SLC38A11: variants seen among roughly 807,000 people sequenced by gnomAD.
The protein encoded by SLC38A11 is putative sodium-coupled neutral amino acid transporter 11.
In SLC38A11, 51 loss-of-function variants were observed where a neutral mutation model predicts 49.4. The ratio of observed to expected loss-of-function variants is 1.03; its 90% CI spans 0.83 to 1.30. The LOEUF is 1.30. Ranked by LOEUF, SLC38A11 falls within the 50% of genes most tolerant of loss-of-function variation. The pLI is 0.00. For synonymous variants in SLC38A11, 203 were observed against 192.9 expected (o/e 1.05, Z -0.43); for missense variants, 574 against 556.2 (o/e 1.03, Z -0.32).
chr2:164,939,405 G>A, intron 6 of SLC38A11, 45 bp downstream of exon 6: 1 of 1,314,680 alleles, frequency 7.6e-7, no homozygotes, highest in Non-Finnish European at 1.1e-6. Flanking sequence ...AGATTATGCA[G>A]GCAACAAGGT....
chr2:164,915,722 T>C, intron 8 of SLC38A11, 181 bp downstream of exon 8: 1 of 543,108 alleles, frequency 1.8e-6, no homozygotes, highest in South Asian at 3.8e-5. Context: ...AAGCAAATTT[T>C]AGTGATGAGT....
chr2:164,915,441 AC>A, intron 8 of SLC38A11, 168 bp from the exon 9 acceptor site: 1 of 605,132 alleles, frequency 1.7e-6, no homozygotes, highest in Non-Finnish European at 2.7e-6. Context: ...TAGAAATGAG[AC>A]CATTCATTCA....
intron 7 of SLC38A11, among the ~76,000 whole-genome samples, chr2:164,933,216 T>C (rs565805398): frequency 3.1e-4 from 47 of 151,684 alleles, no homozygotes; most frequent in African/African-American, 1.1e-3. Context: ...ATGTAAAGAA[T>C]TGAATATTAA....
chr2:164,950,415 G>T (rs182392337), intron 3 of SLC38A11, among the ~76,000 whole-genome samples: 80 of 152,282 alleles, frequency 5.3e-4, no homozygotes, highest in Non-Finnish European at 9.7e-4. Flanking sequence ...TAAAGGTAAA[G>T]ATGTGTTAAG....
intron 5 of SLC38A11, among the ~76,000 whole-genome samples, chr2:164,944,328 A>G (rs1184143828): frequency 1.3e-5 from 2 of 152,162 alleles, no homozygotes; most frequent in Non-Finnish European, 2.9e-5. Context: ...TTAAAATATA[A>G]AGTATTCTAA....
intron 5 of SLC38A11, among the ~76,000 whole-genome samples, chr2:164,941,272 C>A (rs1374201095): frequency 6.6e-6 from 1 of 151,972 alleles, no homozygotes; most frequent in Non-Finnish European, 1.5e-5. Flanking sequence ...ATTTTTTATA[C>A]CAACATTTCT....
Position 164,936,670 on chromosome 2 carries a change from CT to C in SLC38A11, c.617+679del, listed in dbSNP as rs1172061317. Among the ~76,000 whole-genome samples the C allele has an allele frequency of 8.9e-4, 136 of 152,190 alleles. 1 individual carries two copies. The highest frequency in any genetic ancestry group is 1.2e-3 in the East Asian group (6 of 5,178). ...TAACCTGGTTTCATTCTAGCATTTT[CT>C]TGGGACTGTGACTATAAACTGCCCA... On this transcript the variant is annotated intron_variant, in intron 7 of 11. Transcript: ENST00000685975.
chr2:164,921,243 A>C (rs538459011), intron 7 of SLC38A11, among the ~76,000 whole-genome samples: 4 of 152,294 alleles, frequency 2.6e-5, no homozygotes, highest in African/African-American at 9.6e-5. Context: ...GAAATAAAAA[A>C]GGTTTTGGTA....
chr2:164,942,842 A>T (rs979400950), intron 5 of SLC38A11, among the ~76,000 whole-genome samples: 2 of 152,122 alleles, frequency 1.3e-5, no homozygotes, highest in Non-Finnish European at 2.9e-5. Context: ...GCTTCACACA[A>T]CTATTCTATG....
chr2:164,905,207 T>C (rs965273140), intron 11 of SLC38A11, among the ~76,000 whole-genome samples: 4 of 152,180 alleles, frequency 2.6e-5, no homozygotes, highest in Non-Finnish European at 5.9e-5. Flanking sequence ...AACTTCCGCC[T>C]CCTGGGTTCA....
intron 8 of SLC38A11, 61 bp from the exon 9 acceptor site, chr2:164,915,334 T>G: frequency 6.8e-7 from 1 of 1,462,830 alleles, no homozygotes; most frequent in Non-Finnish European, 9.2e-7. Context: ...TTTTTAGTTC[T>G]GAAATTCAGA....
chr2:164,935,399 G>T (rs1687294628), intron 7 of SLC38A11, among the ~76,000 whole-genome samples: 1 of 151,382 alleles, frequency 6.6e-6, no homozygotes, highest in South Asian at 2.1e-4. Flanking sequence ...GCCAGGCATG[G>T]TGGTTTACAC....
At position 164,898,723 on chromosome 2, in the gene SLC38A11, A is replaced by G; in HGVS notation, c.1103T>C (p.Leu368Pro). 1 of 1,608,404 alleles carries G rather than the reference A, an allele frequency of 6.2e-7. No homozygotes were observed. The highest frequency in any genetic ancestry group is 8.5e-7 in the Non-Finnish European group (1 of 1,175,978). The change falls in exon 12 of 12, where the codon CTC (leucine) becomes CCC (proline). Residue 368 changes from leucine (L) to proline (P), a missense_variant. Transcript: ENST00000685975. Reference protein sequence around the residue: ...LGIVLELNGVLCATPLIFIIP... With the variant: ...LGIVLELNGVPCATPLIFIIP... ...GATAAAAATGAGGGGAGTTGCACAGAGCACACCCTGCATGTTGAAAACAAG... is the reference window on the plus strand; with the variant it reads ...GATAAAAATGAGGGGAGTTGCACAGGGCACACCCTGCATGTTGAAAACAAG...
rs1259074175 is a variant in SLC38A11, at chr2:164,898,735, A to T, written c.1096-5T>A. ...GGGAGTTGCACAGAGCACACCCTGCATGTTGAAAACAAGAAACAAGATAAT... is the reference window on the plus strand; with the variant it reads ...GGGAGTTGCACAGAGCACACCCTGCTTGTTGAAAACAAGAAACAAGATAAT... On this transcript the variant is annotated splice_region_variant and splice_polypyrimidine_tract_variant and intron_variant, in intron 11 of 11. Coordinates refer to ENST00000685975, the MANE Select transcript of SLC38A11 (RefSeq NM_001351537.2). 2 of 1,599,138 alleles carry T rather than the reference A, an allele frequency of 1.3e-6. No homozygotes were observed. The highest frequency in any genetic ancestry group is 1.7e-6 in the Non-Finnish European group (2 of 1,170,726).
At chr2:164,938,056 G>A (rs1365761771) in intron 6 of SLC38A11, among the ~76,000 whole-genome samples, 2 of 151,806 alleles carry the variant, frequency 1.3e-5, no homozygotes, top group African/African-American at 2.4e-5. Context: ...GTCTGTGCCC[G>A]GTGCACCCAT....
chr2:164,920,440 A>C (rs1339304272), intron 7 of SLC38A11, among the ~76,000 whole-genome samples: 1 of 151,494 alleles, frequency 6.6e-6, no homozygotes, highest in African/African-American at 2.4e-5. Flanking sequence ...GATGGGCCAC[A>C]TAAGTTTATC....
In SLC38A11 at chr2:164,894,486, C is replaced by T. The variant is rs1684354638; in HGVS notation, c.*3951G>A. Among the ~76,000 whole-genome samples the T allele has an allele frequency of 6.6e-6, 1 of 152,022 alleles. No homozygotes were observed. Among genetic ancestry groups the T allele is most frequent in the African/African-American group, 2.4e-5 (1 of 41,396 alleles). ...TCATAACCCAGTTTTACTCATGTTC[C>T]CTATGTAATTTTCCAAGTAAGCCAT... On this transcript the variant is annotated 3_prime_UTR_variant, in exon 12 of 12. Coordinates refer to ENST00000685975, the MANE Select transcript of SLC38A11 (RefSeq NM_001351537.2).
At chr2:164,920,278 T>TA (rs57519342) in intron 7 of SLC38A11, among the ~76,000 whole-genome samples, 40,528 of 133,710 alleles carry the variant, frequency 0.3, 6,985 homozygotes, top group South Asian at 0.52. Flanking sequence ...AAGACTCCGT[T>TA]AAAAAAAAAA....
chr2:164,905,541 T>A (rs1684941980), intron 11 of SLC38A11, among the ~76,000 whole-genome samples: 2 of 152,274 alleles, frequency 1.3e-5, no homozygotes, highest in South Asian at 4.1e-4. Flanking sequence ...TTTGGCTCTA[T>A]TAGACATGGT....
Sources: gnomAD v4.1 joint callset for allele counts (sites outside exome capture counted in the v4.1 genomes callset) on GRCh38, gnomAD v4.1.1 for gene constraint, MANE v1.5 for transcripts, NCBI Gene and HGNC (gene_info 2026-07-23, HGNC 2026-07-21) for gene names.